LCK: variants seen among roughly 807,000 people sequenced by gnomAD.
LCK encodes the protein tyrosine-protein kinase Lck.
In LCK, 14 loss-of-function variants were observed where a neutral mutation model predicts 64.6. The observed-to-expected ratio is 0.22, with a 90% CI of 0.14 to 0.34. The LOEUF (loss-of-function observed/expected upper bound fraction) is 0.34. Among genes scored for constraint, LCK ranks in the 10% least tolerant of loss-of-function variants. The probability of loss-of-function intolerance (pLI) is 1.00; values close to 1 mark genes in which losing one functional copy is unlikely to be tolerated. For missense variants in LCK, 434 were observed against 668.1 expected (o/e 0.65, Z 3.86); for synonymous variants, 277 against 263.6 (o/e 1.05, Z -0.49).
intron 1 of LCK, 134 bp from the exon 2 acceptor site, chr1:32,274,191 C>G: frequency 6.6e-7 from 1 of 1,513,128 alleles, no homozygotes; most frequent in Non-Finnish European, 8.8e-7. Flanking sequence ...TTTTCTGTGG[C>G]TGGTGAATGG....
At chr1:32,274,492 G>A in intron 2 of LCK, 58 bp downstream of exon 2, 2 of 1,390,282 alleles carry the variant, frequency 1.4e-6, no homozygotes, top group Non-Finnish European at 2.0e-6. Context: ...CAACCCAGGA[G>A]AAAGAAATGA....
intron 9 of LCK, among the ~76,000 whole-genome samples, chr1:32,279,101 G>C (rs1640370447): frequency 6.6e-6 from 1 of 152,192 alleles, no homozygotes; most frequent in South Asian, 2.1e-4. Context: ...CCTGATTTTA[G>C]TTACAGCTAC....
intron 1 of LCK, among the ~76,000 whole-genome samples, chr1:32,252,981 C>T (rs1639544142): frequency 6.6e-6 from 1 of 152,148 alleles, no homozygotes; most frequent in South Asian, 2.1e-4. Context: ...ATTTCAGAGA[C>T]AGGCCGACCC....
rs543064442 is a variant in LCK at position 32,257,241 on chromosome 1, T to G, written c.-6+5870T>G. Among the ~76,000 whole-genome samples the G allele has an allele frequency of 6.6e-5, 10 of 151,802 alleles. No homozygotes were observed. The East Asian group carries it at 1.6e-3, about 24-fold the overall frequency. Reference sequence around the variant, plus strand: ...CCTTCTGCCAGTAAGTCTTGTTTTTTTTTTTTTTGTTTTTTTTGTTTTTTT... The same window carrying G: ...CCTTCTGCCAGTAAGTCTTGTTTTTGTTTTTTTTGTTTTTTTTGTTTTTTT... On this transcript the variant is annotated intron_variant, in intron 1 of 12. Transcript: ENST00000336890.
chr1:32,254,703 G>A (rs1426617969), intron 1 of LCK, among the ~76,000 whole-genome samples: 2 of 151,956 alleles, frequency 1.3e-5, no homozygotes, highest in African/African-American at 2.4e-5. Flanking sequence ...GTAGAGATGG[G>A]GTTTCTCCAT....
chr1:32,279,221 G>T (rs371823375), intron 9 of LCK, among the ~76,000 whole-genome samples: 14 of 152,286 alleles, frequency 9.2e-5, no homozygotes, highest in East Asian at 3.9e-4. Context: ...TCCTAGTGGG[G>T]CAGTCTAGCA....
intron 1 of LCK, among the ~76,000 whole-genome samples, chr1:32,256,369 G>C (rs1181003477): frequency 2.0e-5 from 3 of 152,008 alleles, no homozygotes; most frequent in Non-Finnish European, 4.4e-5. Flanking sequence ...GGGTGAGGTG[G>C]GTGCATCATC....
At chr1:32,283,816 G>A (rs1286993367) in intron 12 of LCK, among the ~76,000 whole-genome samples, 1 of 152,104 alleles carries the variant, frequency 6.6e-6, no homozygotes, top group Non-Finnish European at 1.5e-5. Flanking sequence ...TGCCCATCCT[G>A]CCCTGGGCCC....
intron 1 of LCK, among the ~76,000 whole-genome samples, chr1:32,257,302 G>A (rs542154366): frequency 2.0e-5 from 3 of 150,902 alleles, no homozygotes; most frequent in Admixed American, 6.7e-5. Context: ...AGGCTGGAGC[G>A]TAGTGGCCCA....
chr1:32,253,893 T>C (rs922697678), intron 1 of LCK, among the ~76,000 whole-genome samples: 3 of 151,780 alleles, frequency 2.0e-5, no homozygotes, highest in African/African-American at 7.3e-5. Flanking sequence ...ACACCATACA[T>C]ATCATGGGAA....
At position 32,275,714 on chromosome 1, in the gene LCK, G is replaced by T; in HGVS notation, c.481+42G>T. ...CTCGACCGGGCGCGGGGGTGCCCCG[G>T]GGTGTGCCCGAGGGGGGGCGCAGGG... is the stretch of plus-strand genomic sequence containing the variant. On this transcript the variant is annotated intron_variant, in intron 6 of 12. Transcript: ENST00000336890. This position sits in a 1 kb window ranked among gnomAD's most constrained non-coding sequence, Gnocchi z 6.9. The T allele has an allele frequency of 6.6e-7, 1 of 1,514,780 alleles. No homozygotes were observed. The highest frequency in any genetic ancestry group is 2.4e-5 in the East Asian group (1 of 41,626). The allele number at this position is 1,514,780 out of a possible 1,614,324, so 93.8% of individuals were successfully genotyped here. A position where few individuals can be genotyped will look rare whatever the true frequency, so the allele number is the denominator to read the frequency against.
chr1:32,281,541 G>A (rs113747618), intron 12 of LCK, among the ~76,000 whole-genome samples: 28 of 151,938 alleles, frequency 1.8e-4, no homozygotes, highest in African/African-American at 6.5e-4. Context: ...ATAGTAGGTT[G>A]TCAGTATACA....
chr1:32,259,722 A>G (rs1449000072), intron 1 of LCK, among the ~76,000 whole-genome samples: 1 of 151,952 alleles, frequency 6.6e-6, no homozygotes, highest in African/African-American at 2.4e-5. Context: ...AGGTGGGAGG[A>G]TTGCTTGAGC....
chr1:32,258,314 G>T (rs1639677954), intron 1 of LCK, among the ~76,000 whole-genome samples: 2 of 150,584 alleles, frequency 1.3e-5, no homozygotes, highest in Non-Finnish European at 1.5e-5. Context: ...AGAGAGAGCG[G>T]AATTAAAGCC....
At chr1:32,258,012 G>A (rs1316584632) in intron 1 of LCK, among the ~76,000 whole-genome samples, 2 of 151,994 alleles carry the variant, frequency 1.3e-5, no homozygotes, top group East Asian at 1.9e-4. Flanking sequence ...GCCAGGTGTG[G>A]TGGCTTGCAC....
chr1:32,262,109 C>T (rs1639790933), intron 1 of LCK, among the ~76,000 whole-genome samples: 1 of 141,898 alleles, frequency 7.0e-6, no homozygotes, highest in Non-Finnish European at 1.5e-5. Context: ...GTCTCAAAAT[C>T]CAGACCTCAA....
At chr1:32,284,786 G>A (rs1434894221) in intron 12 of LCK, among the ~76,000 whole-genome samples, 1 of 152,210 alleles carries the variant, frequency 6.6e-6, no homozygotes, top group East Asian at 1.9e-4. Context: ...GCTCGCCCAA[G>A]GTTCCACAAC....
Position 32,276,568 on chromosome 1 carries a change from G to T in LCK, c.785-39G>T. 6.3e-7 allele frequency: 1 copy of T among 1,585,206 alleles called. No homozygotes were observed. Among genetic ancestry groups the T allele is most frequent in the Non-Finnish European group, 8.6e-7 (1 of 1,162,418 alleles). ...AGGTGATGAGAGTCCCAGGACAGCT[G>T]CCTGGCGACTTTCCCACTCCTTCCC... On this transcript the variant is annotated intron_variant, in intron 8 of 12. Coordinates refer to ENST00000336890, the MANE Select transcript of LCK (RefSeq NM_005356.5). This position sits in a 1 kb window ranked among gnomAD's most constrained non-coding sequence, Gnocchi z 4.6.
chr1:32,274,982 T>C lies in LCK; in HGVS notation c.188-11T>C. Reference sequence around the variant, plus strand: ...CAGCTCGGTTCTCCCTGATGCCCCTTGTCTTTACAGACAACCTGGTTATCG... The same window carrying C: ...CAGCTCGGTTCTCCCTGATGCCCCTCGTCTTTACAGACAACCTGGTTATCG... On this transcript the variant is annotated splice_polypyrimidine_tract_variant and intron_variant, in intron 3 of 12. Coordinates refer to ENST00000336890, the MANE Select transcript of LCK (RefSeq NM_005356.5). 1 of 1,614,202 alleles carries C rather than the reference T, an allele frequency of 6.2e-7. No homozygotes were observed.
Sources: allele counts gnomAD v4.1 joint callset (sites outside exome capture counted in the v4.1 genomes callset), GRCh38; gene constraint gnomAD v4.1.1; non-coding constraint Gnocchi (gnomAD v3.1); transcripts MANE v1.5; gene names NCBI Gene and HGNC (gene_info 2026-07-23, HGNC 2026-07-21).